Variants in PHF13 observed in about 807,000 individuals in gnomAD.
PHF13 encodes the protein PHD zinc finger protein PHF5.
A neutral mutation model predicts 25.8 loss-of-function variants in PHF13; 1 was observed. The ratio of observed to expected loss-of-function variants is 0.04; its 90% CI spans 0.01 to 0.18. The LOEUF is 0.18. Among genes scored for constraint, PHF13 ranks in the 10% least tolerant of loss-of-function variants. The pLI, the probability that PHF13 is intolerant of heterozygous loss-of-function variation, is 1.00. For missense variants in PHF13, 306 were observed against 403.2 expected (o/e 0.76, Z 2.06); for synonymous variants, 195 against 162.4 (o/e 1.20, Z -1.53).
At chr1:6,620,682 T>TG (rs1285054729) in intron 3 of PHF13, among the ~76,000 whole-genome samples, 2 of 152,008 alleles carry the variant, frequency 1.3e-5, no homozygotes, top group South Asian at 2.1e-4. Flanking sequence ...GCTCAGGAGT[T>TG]GGAGACCAGC....
At chr1:6,615,404 G>A (rs1641245131) in intron 1 of PHF13, among the ~76,000 whole-genome samples, 1 of 152,230 alleles carries the variant, frequency 6.6e-6, no homozygotes, top group Non-Finnish European at 1.5e-5. Flanking sequence ...GGGCGGCCCT[G>A]GGGTCCAAGG....
At chr1:6,615,984 C>T (rs990391328) in intron 1 of PHF13, among the ~76,000 whole-genome samples, 6 of 149,164 alleles carry the variant, frequency 4.0e-5, no homozygotes, top group Admixed American at 3.3e-4. Context: ...GAGTGAACTC[C>T]AGGGTCCAGG....
At chr1:6,615,308 C>T (rs911065749) in intron 1 of PHF13, among the ~76,000 whole-genome samples, 1 of 152,224 alleles carries the variant, frequency 6.6e-6, no homozygotes, top group South Asian at 2.1e-4. Context: ...AGTTGGAGGC[C>T]CGGGTGGCGG....
intron 1 of PHF13, among the ~76,000 whole-genome samples, chr1:6,616,311 G>A (rs1641260064): frequency 6.6e-6 from 1 of 152,182 alleles, no homozygotes; most frequent in South Asian, 2.1e-4. Context: ...ACAGACGAGA[G>A]CCACCGCGCC....
chr1:6,619,038 C>T (rs1277436451), intron 2 of PHF13, among the ~76,000 whole-genome samples: 1 of 152,228 alleles, frequency 6.6e-6, no homozygotes, highest in East Asian at 1.9e-4. Context: ...GTTTACTTCA[C>T]TGCTTTGGGG....
rs770813347 is a variant in PHF13, at chr1:6,621,619, G to A, written c.885G>A (p.Arg295=). 26 of 1,614,046 alleles carry A rather than the reference G, an allele frequency of 1.6e-5. No individual in the cohort carries two copies. The highest frequency in any genetic ancestry group is 1.6e-4 in the Middle Eastern group (1 of 6,084). ...RRSNRSRTGS[R]KLFLD ...CCAACCGCTCGCGGACGGGCTCCCG[G>A]AAGCTGTTCCTGGACTGACTGCTGG... Residue 295 remains arginine, a synonymous_variant, in exon 4 of 4, where the codon CGG becomes CGA. Transcript: ENST00000377648. This position sits in a 1 kb window ranked among gnomAD's most constrained non-coding sequence, Gnocchi z 4.8.
At chr1:6,620,987 G>A (rs1176979836) in intron 3 of PHF13, among the ~76,000 whole-genome samples, 4 of 150,648 alleles carry the variant, frequency 2.7e-5, no homozygotes, top group African/African-American at 7.3e-5. Context: ...AGCCAAGATC[G>A]CGCCATTGCA....
At chr1:6,618,885 G>A in intron 2 of PHF13, among the ~76,000 whole-genome samples, 1 of 152,070 alleles carries the variant, frequency 6.6e-6, no homozygotes, top group East Asian at 1.9e-4. Flanking sequence ...GAGCTCAGGT[G>A]ATCTACCCGC....
At chr1:6,620,847 G>A (rs11122105) in intron 3 of PHF13, among the ~76,000 whole-genome samples, 50,162 of 151,066 alleles carry the variant, frequency 0.33, 8,593 homozygotes, top group South Asian at 0.47. Context: ...GTGAAACCCC[G>A]ACTCTACTAA....
rs537877034 is a variant in PHF13, at chr1:6,616,762, C to T, written c.45C>T (p.Tyr15=). The part of the protein sequence containing the change: ...SCAAAFHPEE[Y]SPSCKRRRTV... ...CTTTTCTCTCCCCTTAATAGGAATA[C>T]TCCCCCAGTTGCAAGAGGCGCAGGA... Residue 15 remains tyrosine, a synonymous_variant, in exon 2 of 4, where the codon TAC becomes TAT. Coordinates refer to ENST00000377648, the MANE Select transcript of PHF13 (RefSeq NM_153812.3). The T allele has an allele frequency of 3.1e-6, 5 of 1,613,634 alleles. No homozygotes were observed. The South Asian group carries it at 4.4e-5, about 14-fold the overall frequency.
chr1:6,615,100 G>C (rs1641239752), intron 1 of PHF13, among the ~76,000 whole-genome samples: 2 of 149,468 alleles, frequency 1.3e-5, no homozygotes, highest in South Asian at 4.2e-4. Flanking sequence ...GGTGGGGGCC[G>C]CTCCGCCATC....
At chr1:6,618,979 G>A (rs895625289) in intron 2 of PHF13, among the ~76,000 whole-genome samples, 3 of 152,152 alleles carry the variant, frequency 2.0e-5, no homozygotes, top group Admixed American at 1.3e-4. Context: ...CAAGGAGGAC[G>A]TTGCCACTGT....
At chr1:6,619,343 T>C (rs1176887114) in intron 2 of PHF13, among the ~76,000 whole-genome samples, 1 of 151,186 alleles carries the variant, frequency 6.6e-6, no homozygotes, top group Non-Finnish European at 1.5e-5. Context: ...ATGGCACTGA[T>C]GGCACTGGGT....
In PHF13 at chr1:6,621,312, G is replaced by C. The variant is rs556348663; in HGVS notation, c.677-99G>C. 1.6e-6 allele frequency: 2 copies of C among 1,275,570 alleles called. No individual in the cohort carries two copies. Among genetic ancestry groups the C allele is most frequent in the South Asian group, 1.3e-5 (1 of 76,926 alleles). 79.0% of individuals were successfully genotyped at this position (1,275,570 alleles called of 1,614,324 possible). A position where few individuals can be genotyped will look rare whatever the true frequency, so the allele number is the denominator to read the frequency against. ...TCAGCTTCGAGTGGCAGTTGGAAGTGTTCTCGTCAGTAGAGTTAATGGGTT... is the reference window on the plus strand; with the variant it reads ...TCAGCTTCGAGTGGCAGTTGGAAGTCTTCTCGTCAGTAGAGTTAATGGGTT... On this transcript the variant is annotated intron_variant, in intron 3 of 3. Coordinates refer to ENST00000377648, the MANE Select transcript of PHF13 (RefSeq NM_153812.3). This position sits in a 1 kb window ranked among gnomAD's most constrained non-coding sequence, Gnocchi z 4.8.
chr1:6,614,790 C>G (rs1452024716), intron 1 of PHF13, among the ~76,000 whole-genome samples: 1 of 151,416 alleles, frequency 6.6e-6, no homozygotes, highest in African/African-American at 2.4e-5. Context: ...CCCCGGCTCA[C>G]TCCCCCTCCT....
chr1:6,619,154 C>T (rs917109150), intron 2 of PHF13, among the ~76,000 whole-genome samples: 2 of 152,182 alleles, frequency 1.3e-5, no homozygotes, highest in African/African-American at 4.8e-5. Context: ...CAATATATCT[C>T]TTGGGAGGGC....
chr1:6,616,445 C>T (rs1350513346), intron 1 of PHF13, among the ~76,000 whole-genome samples: 1 of 152,176 alleles, frequency 6.6e-6, no homozygotes, highest in Non-Finnish European at 1.5e-5. Flanking sequence ...GCCTGATAGG[C>T]CTGTGGAAAC....
At chr1:6,614,741 CG>C (rs1641230768) in intron 1 of PHF13, 2 of 145,514 alleles carry the variant, frequency 1.4e-5, no homozygotes, top group Admixed American at 6.7e-5. Flanking sequence ...CCTCTCTCTT[CG>C]GGCCCCCGCC....
chr1:6,621,774 C>T lies in PHF13; in HGVS notation c.*137C>T. 1.2e-6 allele frequency: 1 copy of T among 842,748 alleles called. No homozygotes were observed. The highest frequency in any genetic ancestry group is 1.9e-6 in the Non-Finnish European group (1 of 533,318). 52.2% of individuals were successfully genotyped at this position (842,748 alleles called of 1,614,324 possible). ...CCATTTAGGTGCCTAAGCAAAAGGA[C>T]AGGCTGTCCAAGGTAGAAACTGTAC... On this transcript the variant is annotated 3_prime_UTR_variant, in exon 4 of 4. Coordinates refer to ENST00000377648, the MANE Select transcript of PHF13 (RefSeq NM_153812.3). This position sits in a 1 kb window ranked among gnomAD's most constrained non-coding sequence, Gnocchi z 4.8.
Sources: allele counts gnomAD v4.1 joint callset (sites outside exome capture counted in the v4.1 genomes callset), GRCh38; gene constraint gnomAD v4.1.1; non-coding constraint Gnocchi (gnomAD v3.1); transcripts MANE v1.5; gene names NCBI Gene and HGNC (gene_info 2026-07-23, HGNC 2026-07-21).